Variants in ALKBH8 observed in about 807,000 individuals in gnomAD.
ALKBH8 encodes tRNA (carboxymethyluridine(34)-5-O)-methyltransferase ALKBH8.
Under a neutral mutation model 59.8 loss-of-function variants are expected in ALKBH8, and 36 were observed. The observed-to-expected ratio is 0.60, with a 90% CI of 0.46 to 0.79. The LOEUF is 0.79. Among genes scored for constraint, ALKBH8 ranks in the 30% least tolerant of loss-of-function variants. The pLI is 0.00. For synonymous variants in ALKBH8, 276 were observed against 273.6 expected, an observed-to-expected ratio of 1.01 and a Z score of -0.09; for missense variants, 768 against 801.0, an observed-to-expected ratio of 0.96 and a Z score of 0.50.
chr11:107,551,074 A>G (rs2135570828), intron 6 of ALKBH8, among the ~76,000 whole-genome samples: 1 of 152,378 alleles, frequency 6.6e-6, no homozygotes, highest in African/African-American at 2.4e-5. Context: ...TTTCACCAGA[A>G]TGTCATCCTG....
chr11:107,522,590 A>T (rs1157057751), intron 9 of ALKBH8, 35 bp from the exon 10 acceptor site: 2 of 1,532,226 alleles, frequency 1.3e-6, no homozygotes, highest in Non-Finnish European at 1.8e-6. Flanking sequence ...TTTCCTTTTT[A>T]TCAGAATAAC....
intron 2 of ALKBH8, among the ~76,000 whole-genome samples, chr11:107,559,665 T>C (rs1005160184): frequency 3.0e-4 from 45 of 152,354 alleles, no homozygotes; most frequent in African/African-American, 1.1e-3. Flanking sequence ...GCAAACATAT[T>C]AATTCTAATC....
chr11:107,543,735 T>A (rs1018694937), intron 7 of ALKBH8, among the ~76,000 whole-genome samples: 3 of 152,058 alleles, frequency 2.0e-5, no homozygotes. Flanking sequence ...GAAGCCAAGT[T>A]GAATATTGTA....
rs144037279 is a variant in ALKBH8 at position 107,559,157 on chromosome 11, G to A, written c.129+1608C>T. 1.9e-3 allele frequency among the ~76,000 whole-genome samples: 282 copies of A among 152,190 alleles called. 1 individual carries two copies. The highest frequency in any genetic ancestry group is 3.8e-3 in the Admixed American group (58 of 15,276). ...TGCCGCCATGTAAGCCAGGACTTTC[G>A]CCTTCTGCCACGATTGTGAGGCCTC... On this transcript the variant is annotated intron_variant, in intron 2 of 11. Transcript: ENST00000428149.
intron 7 of ALKBH8, among the ~76,000 whole-genome samples, chr11:107,546,886 G>C (rs922561812): frequency 6.6e-6 from 1 of 152,040 alleles, no homozygotes; most frequent in African/African-American, 2.4e-5. Flanking sequence ...TGCTCCAGTA[G>C]TCATACAAAT....
Position 107,504,519 on chromosome 11 carries a change from C to A in ALKBH8, c.*139G>T, listed in dbSNP as rs1862293351. ...ACATTTGAATGTCTCCTAATGAATC[C>A]CTACTTCCAAATTTTTCTCAGCTTT... On this transcript the variant is annotated 3_prime_UTR_variant, in exon 12 of 12. Transcript: ENST00000428149. 1 of 1,053,756 alleles carries A rather than the reference C, an allele frequency of 9.5e-7. No individual in the cohort carries two copies. The highest frequency in any genetic ancestry group is 1.6e-5 in the African/African-American group (1 of 63,486). The allele number at this position is 1,053,756 out of a possible 1,614,324, so 65.3% of individuals were successfully genotyped here.
At chr11:107,521,046 T>C (rs1162290810) in intron 10 of ALKBH8, among the ~76,000 whole-genome samples, 1 of 152,200 alleles carries the variant, frequency 6.6e-6, no homozygotes, top group Non-Finnish European at 1.5e-5. Context: ...CAGGAGGATA[T>C]GTATAGGTTA....
In ALKBH8 at chr11:107,532,271, A is replaced by C. The variant is rs760412839; in HGVS notation, c.878+29T>G. Reference sequence around the variant, plus strand: ...GAAGAATGAGAAGTCTCATAAAGAAAAAGAATCCTGTCATATTTCAATACA... The same window carrying C: ...GAAGAATGAGAAGTCTCATAAAGAACAAGAATCCTGTCATATTTCAATACA... On this transcript the variant is annotated intron_variant, in intron 8 of 11. Transcript: ENST00000428149. 1.6e-5 allele frequency: 26 copies of C among 1,579,340 alleles called. No homozygotes were observed. In the South Asian group the frequency reaches 2.7e-4, roughly 17 times the overall value.
chr11:107,562,498 C>T (rs180693837), intron 1 of ALKBH8, among the ~76,000 whole-genome samples: 6 of 151,814 alleles, frequency 4.0e-5, no homozygotes, highest in African/African-American at 7.2e-5. Context: ...TTTTTTAGAC[C>T]GGTCCCACTC....
intron 2 of ALKBH8, 41 bp from the exon 3 acceptor site, chr11:107,557,044 G>A (rs1245022842): frequency 1.5e-6 from 2 of 1,350,774 alleles, no homozygotes; most frequent in South Asian, 1.7e-5. Context: ...AGTAACATGA[G>A]CAACTGATAC....
At chr11:107,505,445 C>T (rs928820091) in intron 11 of ALKBH8, among the ~76,000 whole-genome samples, 1 of 152,202 alleles carries the variant, frequency 6.6e-6, no homozygotes, top group Non-Finnish European at 1.5e-5. Flanking sequence ...TTCTGTTAAT[C>T]TTCCCTGTGA....
At position 107,502,755 on chromosome 11, in the gene ALKBH8, AAT is replaced by A. The variant is rs1431120065; in HGVS notation, c.*1901_*1902del. 6.6e-6 allele frequency: 1 copy of A among 152,252 alleles called. No homozygotes were observed. The highest frequency in any genetic ancestry group is 1.5e-5 in the Non-Finnish European group (1 of 68,040). The allele number at this position is 152,252 out of a possible 1,614,324, so 9.4% of individuals were successfully genotyped here. ...GTAAGAATATAGATTTTTATTATACAATTAACAAATTATATTTGGCATCACTT... is the reference window on the plus strand; with the variant it reads ...GTAAGAATATAGATTTTTATTATACATAACAAATTATATTTGGCATCACTT... On this transcript the variant is annotated 3_prime_UTR_variant, in exon 12 of 12. Coordinates refer to ENST00000428149, the MANE Select transcript of ALKBH8 (RefSeq NM_138775.3).
At chr11:107,549,522 T>C (rs1288473205) in intron 7 of ALKBH8, among the ~76,000 whole-genome samples, 1 of 152,216 alleles carries the variant, frequency 6.6e-6, no homozygotes, top group African/African-American at 2.4e-5. Flanking sequence ...GCTAAAAGTT[T>C]CGTGTAAAAA....
chr11:107,505,017 G>C lies in ALKBH8; in HGVS notation c.1636C>G (p.Arg546Gly). The part of the protein sequence containing the change: ...SVQRSLVEQM[R>G]DMGSRDSASS... ...GCCGAGTCTCGACTGCCCATGTCAC[G>C]CATTTGCTCCACAAGTGACCTCTGC... The change falls in exon 12 of 12, where the codon CGT becomes GGT. Residue 546 changes from arginine to glycine, a missense_variant. By Grantham distance (125) the Arg-to-Gly change is moderately radical. Transcript: ENST00000428149. 1.3e-6 allele frequency: 2 copies of C among 1,551,666 alleles called. No homozygotes were observed. The highest frequency in any genetic ancestry group is 8.7e-7 in the Non-Finnish European group (1 of 1,146,960).
intron 10 of ALKBH8, among the ~76,000 whole-genome samples, chr11:107,516,570 A>C (rs1051327938): frequency 4.6e-5 from 7 of 152,216 alleles, no homozygotes; most frequent in Non-Finnish European, 7.3e-5. Flanking sequence ...ATATGACCCC[A>C]AAAACAAAGT....
In ALKBH8 at chr11:107,522,284, A is replaced by G; in HGVS notation, c.1287+15T>C. 1 of 1,549,714 alleles carries G rather than the reference A, an allele frequency of 6.5e-7. No individual in the cohort carries two copies. Among genetic ancestry groups the G allele is most frequent in the Non-Finnish European group, 8.7e-7 (1 of 1,145,582 alleles). ...CAAATTAAGCAAAAAGAAAGTCAAA[A>G]GCAACATTACTTGCCATATATAACT... On this transcript the variant is annotated intron_variant, in intron 10 of 11. Coordinates refer to ENST00000428149, the MANE Select transcript of ALKBH8 (RefSeq NM_138775.3).
rs575015157 is a variant in ALKBH8, at chr11:107,542,116, T to C, written c.771+7637A>G. On this transcript the variant is annotated intron_variant, in intron 7 of 11. Transcript: ENST00000428149. Reference sequence around the variant, plus strand: ...TAAAATAAAAAATGTAGAAAAAAGGTAAATGAAGAAAGAATGGGGGCAGGG... The same window carrying C: ...TAAAATAAAAAATGTAGAAAAAAGGCAAATGAAGAAAGAATGGGGGCAGGG... Among the ~76,000 whole-genome samples the C allele has an allele frequency of 3.3e-5, 5 of 151,152 alleles. No homozygotes were observed. In the East Asian group the frequency reaches 9.8e-4, roughly 30 times the overall value.
chr11:107,548,821 G>A (rs892154292), intron 7 of ALKBH8, among the ~76,000 whole-genome samples: 7 of 151,656 alleles, frequency 4.6e-5, no homozygotes, highest in African/African-American at 1.7e-4. Flanking sequence ...GATGTTTTAA[G>A]GACTCTTCCA....
intron 7 of ALKBH8, 63 bp from the exon 8 acceptor site, chr11:107,532,469 T>G: frequency 7.9e-7 from 1 of 1,267,084 alleles, no homozygotes; most frequent in Non-Finnish European, 1.1e-6. Context: ...AGGATAAGAA[T>G]GATTAATAGA....
Sources: gnomAD v4.1 joint callset for allele counts (sites outside exome capture counted in the v4.1 genomes callset) on GRCh38, gnomAD v4.1.1 for gene constraint, MANE v1.5 for transcripts, NCBI Gene and HGNC (gene_info 2026-07-23, HGNC 2026-07-21) for gene names.